Variants in CBLN2 observed in about 807,000 individuals in gnomAD.
CBLN2 encodes the protein cerebellin-2.
CBLN2 carries 7 observed loss-of-function variants against 15.0 expected under a neutral mutation model. That is an observed-to-expected ratio of 0.47 (90% CI 0.27 to 0.88). The LOEUF (loss-of-function observed/expected upper bound fraction) is 0.88. Ranked by LOEUF, CBLN2 falls within the 40% of genes least tolerant of loss-of-function variation. The pLI is 0.14. For missense variants in CBLN2, 242 were observed against 304.5 expected (o/e 0.79, Z 1.53); for synonymous variants, 149 against 135.2 (o/e 1.10, Z -0.71).
intron 1 of CBLN2, among the ~76,000 whole-genome samples, chr18:72,592,711 G>A (rs377078609): frequency 1.3e-5 from 2 of 152,008 alleles, no homozygotes; most frequent in East Asian, 1.9e-4. Flanking sequence ...TTCTGCATAC[G>A]GTTATCCAGT....
intron 1 of CBLN2, among the ~76,000 whole-genome samples, chr18:72,551,671 A>G (rs1336364337): frequency 6.6e-6 from 1 of 152,214 alleles, no homozygotes; most frequent in African/African-American, 2.4e-5. Flanking sequence ...AAATAAGTCA[A>G]AAAGTACCCA....
chr18:72,576,569 C>T (rs2069368103), intron 1 of CBLN2, among the ~76,000 whole-genome samples: 1 of 152,106 alleles, frequency 6.6e-6, no homozygotes, highest in Non-Finnish European at 1.5e-5. Context: ...GCTATTATAA[C>T]ATTGTTTTCA....
At chr18:72,546,765 A>C (rs181331512), upstream of CBLN2, among the ~76,000 whole-genome samples, 304 of 152,362 alleles carry the variant, frequency 2.0e-3, 2 homozygotes, top group African/African-American at 6.7e-3. Context: ...GTGTTCACAC[A>C]GAGCTGAAGA....
chr18:72,563,677 G>T (rs1330648729), intron 1 of CBLN2, among the ~76,000 whole-genome samples: 2 of 152,176 alleles, frequency 1.3e-5, no homozygotes, highest in Non-Finnish European at 2.9e-5. Flanking sequence ...CCATTCACAT[G>T]CTCCATTTGT....
At chr18:72,591,604 G>C (rs565696758) in intron 1 of CBLN2, among the ~76,000 whole-genome samples, 1 of 151,744 alleles carries the variant, frequency 6.6e-6, no homozygotes, top group African/African-American at 2.4e-5. Context: ...CTCATTCTTT[G>C]TATATTTGTA....
chr18:72,543,791 G>A lies in CBLN2; in HGVS notation c.-212+186C>T, dbSNP rs1461222568. ...AACCCCTGGGCTTCGCGCCCGCACC[G>A]CTGCCTGGGGCCCCTCGAGCTCCCG... On this transcript the variant is annotated intron_variant, in intron 1 of 4. Coordinates refer to ENST00000269503, the MANE Select transcript of CBLN2 (RefSeq NM_182511.4). The surrounding 1 kb of genome is among the most constrained non-coding windows in gnomAD (Gnocchi z 6.8). 2.0e-5 allele frequency among the ~76,000 whole-genome samples: 3 copies of A among 151,814 alleles called. No homozygotes were observed. Among genetic ancestry groups the A allele is most frequent in the Non-Finnish European group, 4.4e-5 (3 of 67,918 alleles).
intron 1 of CBLN2, among the ~76,000 whole-genome samples, chr18:72,615,058 A>AT (rs1568132375): frequency 5.3e-5 from 7 of 131,038 alleles, no homozygotes; most frequent in African/African-American, 2.0e-4. Context: ...TATATATATA[A>AT]ATATATATAT....
At chr18:72,549,915 A>T (rs1198843294) in intron 1 of CBLN2, among the ~76,000 whole-genome samples, 4 of 152,130 alleles carry the variant, frequency 2.6e-5, no homozygotes, top group Non-Finnish European at 5.9e-5. Context: ...TGTGAAAAAA[A>T]TGAAACCCTC....
At chr18:72,567,508 A>G (rs566437099) in intron 1 of CBLN2, among the ~76,000 whole-genome samples, 1 of 152,294 alleles carries the variant, frequency 6.6e-6, no homozygotes, top group Non-Finnish European at 1.5e-5. Context: ...CCATACACAT[A>G]CTCAAGCACG....
chr18:72,588,941 A>C lies in CBLN2; in HGVS notation c.15+49384T>G, dbSNP rs370254573. 2.5e-4 allele frequency among the ~76,000 whole-genome samples: 38 copies of C among 152,366 alleles called. No homozygotes were observed. In the East Asian group the frequency reaches 7.1e-3, roughly 29 times the overall value. On this transcript the variant is annotated intron_variant, in intron 1 of 2. Transcript: ENST00000581073. ...ATGGGACTAACGCGTGGGCAGAAGC[A>C]GATCATGAAACGCAGTGAAAAGCAC...
intron 1 of CBLN2, among the ~76,000 whole-genome samples, chr18:72,558,619 C>G (rs1172778210): frequency 6.6e-6 from 1 of 152,180 alleles, no homozygotes; most frequent in Non-Finnish European, 1.5e-5. Context: ...TGTGACAATA[C>G]TGCTTTTTGT....
chr18:72,591,720 C>T (rs1441544335), intron 1 of CBLN2, among the ~76,000 whole-genome samples: 3 of 152,124 alleles, frequency 2.0e-5, no homozygotes, highest in Admixed American at 1.3e-4. Context: ...TCATTTTTAG[C>T]TCCCACAAAT....
intron 1 of CBLN2, among the ~76,000 whole-genome samples, chr18:72,619,510 A>G (rs532007268): frequency 2.6e-5 from 4 of 152,310 alleles, no homozygotes; most frequent in Non-Finnish European, 4.4e-5. Flanking sequence ...CATGCTGTTG[A>G]TTGCTAAATG....
chr18:72,555,471 A>T (rs1289473042), intron 1 of CBLN2, among the ~76,000 whole-genome samples: 1 of 151,834 alleles, frequency 6.6e-6, no homozygotes, highest in Non-Finnish European at 1.5e-5. Context: ...TGTGTCAGGG[A>T]AGCAGAAAAC....
At chr18:72,549,429 T>C (rs1178506053) in intron 1 of CBLN2, among the ~76,000 whole-genome samples, 1 of 152,238 alleles carries the variant, frequency 6.6e-6, no homozygotes, top group East Asian at 1.9e-4. Context: ...AAAAATATTC[T>C]GAAGGTTTAC....
intron 3 of CBLN2, 84 bp downstream of exon 3, chr18:72,541,720 A>T (rs1380549298): frequency 1.4e-5 from 16 of 1,120,604 alleles, no homozygotes; most frequent in Non-Finnish European, 1.8e-5. Context: ...CTCCACGTCC[A>T]AGAAGCCTGA....
At chr18:72,632,926 C>T (rs62089077) in intron 1 of CBLN2, among the ~76,000 whole-genome samples, 12,496 of 152,194 alleles carry the variant, frequency 0.082, 628 homozygotes, top group South Asian at 0.16. Flanking sequence ...TAGTACAGTG[C>T]TTGACATAAA....
At chr18:72,625,810 CTCTCTCTCTA>C (rs1482794857) in intron 1 of CBLN2, among the ~76,000 whole-genome samples, 1,878 of 67,600 alleles carry the variant, frequency 0.028, 25 homozygotes, top group South Asian at 0.084. Flanking sequence ...CTCTCTCTCT[CTCTCTCTCTA>C]TATATATATA....
At chr18:72,556,881 C>A (rs550244557) in intron 1 of CBLN2, among the ~76,000 whole-genome samples, 2 of 152,148 alleles carry the variant, frequency 1.3e-5, no homozygotes, top group South Asian at 2.1e-4. Flanking sequence ...TTAAAACCAA[C>A]AGAGTAATAG....
Sources: allele counts gnomAD v4.1 joint callset (sites outside exome capture counted in the v4.1 genomes callset), GRCh38; gene constraint gnomAD v4.1.1; non-coding constraint Gnocchi (gnomAD v3.1); transcripts MANE v1.5; gene names NCBI Gene and HGNC (gene_info 2026-07-23, HGNC 2026-07-21).